Variants in PDE1C observed in about 807,000 individuals in gnomAD.
The protein encoded by PDE1C is phosphodiesterase 1C, also known as dual specificity calcium/calmodulin-dependent 3',5'-cyclic nucleotide phosphodiesterase 1C.
Under a neutral mutation model 93.1 loss-of-function variants are expected in PDE1C, and 62 were observed. The observed-to-expected ratio is 0.67, with a 90% confidence interval of 0.54 to 0.82. The LOEUF is 0.82. PDE1C is among the 40% of genes least tolerant of loss of function. The probability of loss-of-function intolerance (pLI) is 0.00; values close to 1 mark genes in which losing one functional copy is unlikely to be tolerated. For missense variants in PDE1C, 742 were observed against 884.6 expected (o/e 0.84, Z 2.04); for synonymous variants, 325 against 310.1 (o/e 1.05, Z -0.50).
chr7:31,998,643 C>A (rs1785070502), intron 2 of PDE1C, among the ~76,000 whole-genome samples: 1 of 152,050 alleles, frequency 6.6e-6, no homozygotes, highest in Admixed American at 6.6e-5. Context: ...AGAAAATGAC[C>A]ATTAGAAGAA....
chr7:31,641,939 C>A, the PDE1C span, among the ~76,000 whole-genome samples: 1 of 152,140 alleles, frequency 6.6e-6, no homozygotes, highest in East Asian at 1.9e-4. Context: ...ACATTAGTTT[C>A]TCTTCCTTCG....
intron 16 of PDE1C, among the ~76,000 whole-genome samples, chr7:31,777,662 A>C (rs966338937): frequency 2.8e-4 from 42 of 152,154 alleles, no homozygotes; most frequent in Admixed American, 2.3e-3. Flanking sequence ...ACCAATCCTG[A>C]CATTGTGTGA....
chr7:32,005,505 G>A (rs1252130919), intron 2 of PDE1C, among the ~76,000 whole-genome samples: 8 of 131,892 alleles, frequency 6.1e-5, no homozygotes, highest in Non-Finnish European at 6.1e-5. Flanking sequence ...GCAGTGAGCC[G>A]AGATCGCACC....
intron 1 of PDE1C, among the ~76,000 whole-genome samples, chr7:32,266,816 G>C (rs1332669431): frequency 2.0e-5 from 3 of 149,924 alleles, no homozygotes; most frequent in Admixed American, 6.7e-5. Context: ...GCTCCAACAA[G>C]AGTGTCTTAG....
chr7:31,906,931 C>T (rs754184633), intron 2 of PDE1C, among the ~76,000 whole-genome samples: 55 of 152,204 alleles, frequency 3.6e-4, no homozygotes, highest in African/African-American at 1.3e-3. Flanking sequence ...TATGTGTGCA[C>T]GAATGCACGT....
intron 16 of PDE1C, chr7:31,790,200 T>C (rs374722796): frequency 5.6e-6 from 9 of 1,611,108 alleles, no homozygotes; most frequent in Non-Finnish European, 3.4e-6. Context: ...TCAGCTAGAA[T>C]GATGCAAGAC....
chr7:32,227,180 T>C (rs1009336031), intron 1 of PDE1C, among the ~76,000 whole-genome samples: 1 of 152,122 alleles, frequency 6.6e-6, no homozygotes, highest in Non-Finnish European at 1.5e-5. Flanking sequence ...TCTTTCTCTC[T>C]AGGGGCTCAC....
intron 17 of PDE1C, among the ~76,000 whole-genome samples, chr7:31,765,290 A>T (rs1795072246): frequency 6.6e-6 from 1 of 152,188 alleles, no homozygotes; most frequent in African/African-American, 2.4e-5. Flanking sequence ...ACTAAAAATG[A>T]ACTCCCTCAA....
At chr7:31,925,288 T>C (rs1803224757) in intron 2 of PDE1C, among the ~76,000 whole-genome samples, 1 of 152,184 alleles carries the variant, frequency 6.6e-6, no homozygotes. Context: ...TCTGTTATCA[T>C]CAGCCAGATG....
the PDE1C span, among the ~76,000 whole-genome samples, chr7:31,703,425 C>T: frequency 2.0e-3 from 305 of 152,242 alleles, 2 homozygotes; most frequent in South Asian, 7.3e-3. Flanking sequence ...AACAACACAG[C>T]GTAAACAAGA....
At chr7:31,711,601 C>G in the PDE1C span, among the ~76,000 whole-genome samples, 14 of 152,122 alleles carry the variant, frequency 9.2e-5, no homozygotes, top group African/African-American at 3.1e-4. Flanking sequence ...GTTTTCTCCA[C>G]CCTCTCTCTC....
Position 32,092,263 on chromosome 7 carries a change from T to G in PDE1C, c.308+77522A>C, listed in dbSNP as rs1008108159. Among the ~76,000 whole-genome samples, 4 of 152,068 alleles carry G rather than the reference T, an allele frequency of 2.6e-5. No homozygotes were observed. In the East Asian group the frequency reaches 7.7e-4, roughly 29 times the overall value. On this transcript the variant is annotated intron_variant, in intron 3 of 18. Coordinates refer to the PDE1C transcript ENST00000396193. ...AGCATGTTTTTCACTGGATTTGAGTTTTGTGAGTAAAGTGTGTGCTTTGAA... is the reference window on the plus strand; with the variant it reads ...AGCATGTTTTTCACTGGATTTGAGTGTTGTGAGTAAAGTGTGTGCTTTGAA...
intron 2 of PDE1C, among the ~76,000 whole-genome samples, chr7:32,206,771 G>A (rs986469758): frequency 2.0e-5 from 3 of 152,204 alleles, no homozygotes; most frequent in Admixed American, 6.5e-5. Flanking sequence ...GGTGGCTCTC[G>A]CCCCAGGACA....
intron 7 of PDE1C, among the ~76,000 whole-genome samples, chr7:31,851,100 A>AT (rs1793287127): frequency 6.9e-4 from 2 of 2,906 alleles, no homozygotes; most frequent in Non-Finnish European, 2.6e-3. Flanking sequence ...ACACACACAC[A>AT]TAAAAAAATT....
chr7:31,903,008 A>C (rs1286628127), intron 2 of PDE1C, among the ~76,000 whole-genome samples: 2 of 151,880 alleles, frequency 1.3e-5, no homozygotes, highest in Admixed American at 1.3e-4. Context: ...ATATCAGAAT[A>C]TTTTATAACT....
intron 1 of PDE1C, among the ~76,000 whole-genome samples, chr7:32,426,693 G>C (rs1785541386): frequency 6.6e-6 from 1 of 152,134 alleles, no homozygotes; most frequent in African/African-American, 2.4e-5. Context: ...ATGTCTTCTG[G>C]ATGGAAGAAA....
intron 1 of PDE1C, among the ~76,000 whole-genome samples, chr7:32,332,234 A>T (rs1253798858): frequency 6.6e-6 from 1 of 152,214 alleles, no homozygotes; most frequent in Non-Finnish European, 1.5e-5. Flanking sequence ...TTGAACAGGC[A>T]TTTCACAAAA....
In PDE1C at chr7:31,777,148, AAAAG is replaced by A. The variant is rs1217016954; in HGVS notation, c.1892-1420_1892-1417del. On this transcript the variant is annotated intron_variant, in intron 16 of 17. Transcript: ENST00000396191. ...CTAAAACTTAAAGTATAATAAAAAA[AAAAG>A]AAAGAAACAATTAGTATTAAAAAAA... Among the ~76,000 whole-genome samples the A allele has an allele frequency of 8.5e-5, 13 of 152,188 alleles. No individual in the cohort carries two copies. In the East Asian group the frequency reaches 2.1e-3, roughly 25 times the overall value.
At chr7:31,626,188 T>C in the PDE1C span, among the ~76,000 whole-genome samples, 23 of 152,346 alleles carry the variant, frequency 1.5e-4, no homozygotes, top group African/African-American at 5.5e-4. Flanking sequence ...TTGGGCTTTC[T>C]TTTTGTAAAA....
Sources: gnomAD v4.1 joint callset for allele counts (sites outside exome capture counted in the v4.1 genomes callset) on GRCh38, gnomAD v4.1.1 for gene constraint, MANE v1.5 for transcripts, NCBI Gene and HGNC (gene_info 2026-07-23, HGNC 2026-07-21) for gene names.